TRPM3: variants seen among roughly 807,000 people sequenced by gnomAD.
TRPM3 encodes transient receptor potential cation channel subfamily M member 3, also known as long transient receptor potential channel 3.
TRPM3 carries 77 observed loss-of-function variants against 181.2 expected under a neutral mutation model. The ratio of observed to expected loss-of-function variants is 0.42; its 90% CI spans 0.35 to 0.51. The LOEUF (loss-of-function observed/expected upper bound fraction) is 0.51. Among genes scored for constraint, TRPM3 ranks in the 20% least tolerant of loss-of-function variants. The pLI is 0.01. For missense variants in TRPM3, 1,759 were observed against 2,196.7 expected (o/e 0.80, Z 3.98); for synonymous variants, 745 against 796.4 (o/e 0.94, Z 1.09).
intron 3 of TRPM3, among the ~76,000 whole-genome samples, chr9:70,853,862 C>A (rs1397939111): frequency 1.3e-5 from 2 of 152,132 alleles, no homozygotes; most frequent in Non-Finnish European, 2.9e-5. Context: ...GTTTGGTTGT[C>A]ACCATTTAGC....
chr9:70,927,091 A>G (rs911550777), intron 1 of TRPM3, among the ~76,000 whole-genome samples: 2 of 152,196 alleles, frequency 1.3e-5, no homozygotes, highest in Non-Finnish European at 2.9e-5. Flanking sequence ...TTATTTATCA[A>G]GGTTTTATAC....
At chr9:71,065,339 G>A (rs188497513) in intron 1 of TRPM3, among the ~76,000 whole-genome samples, 211 of 152,218 alleles carry the variant, frequency 1.4e-3, no homozygotes, top group African/African-American at 4.4e-3. Flanking sequence ...ATGAAGCTCT[G>A]TTCTTTCTTA....
intron 1 of TRPM3, among the ~76,000 whole-genome samples, chr9:70,902,373 C>T (rs955662768): frequency 7.9e-5 from 12 of 152,078 alleles, no homozygotes; most frequent in African/African-American, 1.7e-4. Context: ...CCTTTTTGCC[C>T]GGCACTGTAC....
chr9:70,691,079 A>G (rs190590965), intron 8 of TRPM3, among the ~76,000 whole-genome samples: 53 of 152,336 alleles, frequency 3.5e-4, no homozygotes, highest in Admixed American at 3.3e-3. Context: ...CTGAGCAAAC[A>G]AAAGATCAGT....
chr9:70,942,083 A>C (rs551399325), intron 1 of TRPM3, among the ~76,000 whole-genome samples: 1 of 152,296 alleles, frequency 6.6e-6, no homozygotes, highest in African/African-American at 2.4e-5. Context: ...AGACAAATGT[A>C]TCATACAGTT....
intron 21 of TRPM3, among the ~76,000 whole-genome samples, chr9:70,592,031 C>T (rs1475561390): frequency 6.6e-6 from 1 of 152,200 alleles, no homozygotes; most frequent in African/African-American, 2.4e-5. Flanking sequence ...TCTTGTTCCT[C>T]ATTCTTCCTT....
intron 1 of TRPM3, among the ~76,000 whole-genome samples, chr9:71,143,810 T>C (rs956183604): frequency 9.2e-5 from 14 of 152,112 alleles, no homozygotes; most frequent in Non-Finnish European, 1.8e-4. Context: ...TCACCAACAG[T>C]GTATAAGCAT....
chr9:70,792,657 A>AAG (rs2085770332), intron 6 of TRPM3, among the ~76,000 whole-genome samples: 1 of 77,586 alleles, frequency 1.3e-5, no homozygotes, highest in Admixed American at 1.5e-4. Context: ...GAGAGACAGA[A>AAG]AGACAGAGAG....
chr9:70,910,937 C>T (rs1323823749), intron 1 of TRPM3, among the ~76,000 whole-genome samples: 1 of 152,194 alleles, frequency 6.6e-6, no homozygotes, highest in East Asian at 1.9e-4. Flanking sequence ...TTGAAGTTCA[C>T]ATACCTTGAC....
At chr9:70,751,213 T>A (rs2076082443) in intron 8 of TRPM3, among the ~76,000 whole-genome samples, 1 of 151,664 alleles carries the variant, frequency 6.6e-6, no homozygotes, top group South Asian at 2.1e-4. Flanking sequence ...AAGCTGAAAA[T>A]AAAAGGAGAA....
At chr9:71,165,934 A>G (rs907023566) in intron 1 of TRPM3, among the ~76,000 whole-genome samples, 2 of 152,184 alleles carry the variant, frequency 1.3e-5, no homozygotes, top group African/African-American at 4.8e-5. Context: ...GTCTGACAGC[A>G]GAAAGGCCTT....
intron 1 of TRPM3, among the ~76,000 whole-genome samples, chr9:71,198,287 G>A (rs1378376016): frequency 1.3e-5 from 2 of 152,088 alleles, no homozygotes; most frequent in East Asian, 3.9e-4. Flanking sequence ...TTGTAGTATA[G>A]TTTGAAGTCA....
At chr9:71,270,713 A>G (rs2083725420) in intron 1 of TRPM3, among the ~76,000 whole-genome samples, 1 of 152,188 alleles carries the variant, frequency 6.6e-6, no homozygotes. Flanking sequence ...CTCCTCCCAC[A>G]TGGCATCAGC....
At chr9:71,034,948 A>C (rs2058012490) in intron 1 of TRPM3, among the ~76,000 whole-genome samples, 1 of 151,666 alleles carries the variant, frequency 6.6e-6, no homozygotes, top group Non-Finnish European at 1.5e-5. Context: ...GCATTTAAAA[A>C]ATGGTCAAAA....
chr9:70,934,953 A>T (rs778613451), intron 1 of TRPM3, among the ~76,000 whole-genome samples: 1 of 152,200 alleles, frequency 6.6e-6, no homozygotes, highest in African/African-American at 2.4e-5. Context: ...AGATATTTGC[A>T]ATCTAGAGGG....
At chr9:71,325,641 A>C (rs1347356091) in intron 1 of TRPM3, among the ~76,000 whole-genome samples, 1 of 152,140 alleles carries the variant, frequency 6.6e-6, no homozygotes, top group African/African-American at 2.4e-5. Context: ...GGCAGGAAGA[A>C]GGAATGAAGG....
intron 1 of TRPM3, among the ~76,000 whole-genome samples, chr9:71,347,629 C>T (rs1015853676): frequency 5.3e-5 from 8 of 152,070 alleles, no homozygotes; most frequent in East Asian, 1.9e-4. Context: ...ATTTAAGAGA[C>T]GTTAGGCCAG....
intron 7 of TRPM3, among the ~76,000 whole-genome samples, chr9:70,777,828 A>G (rs2081683233): frequency 6.6e-6 from 1 of 152,166 alleles, no homozygotes; most frequent in Admixed American, 6.6e-5. Context: ...GATTGATTTG[A>G]AAAGTTATAT....
intron 1 of TRPM3, among the ~76,000 whole-genome samples, chr9:71,420,586 GAA>G (rs998808145): frequency 8.0e-6 from 1 of 124,388 alleles, no homozygotes; most frequent in Admixed American, 8.3e-5. Flanking sequence ...GAAAGAGAAA[GAA>G]AAAGAGAAAG....
Sources: allele counts gnomAD v4.1 joint callset (sites outside exome capture counted in the v4.1 genomes callset), GRCh38; gene constraint gnomAD v4.1.1; transcripts MANE v1.5; gene names NCBI Gene and HGNC (gene_info 2026-07-23, HGNC 2026-07-21).